GRIA1: variants seen among roughly 807,000 people sequenced by gnomAD.
The protein encoded by GRIA1 is glutamate ionotropic receptor AMPA type subunit 1, also known as glutamate receptor 1.
GRIA1 carries 31 observed loss-of-function variants against 99.2 expected under a neutral mutation model. The observed-to-expected ratio is 0.31, with a 90% CI of 0.23 to 0.42. GRIA1 has a LOEUF of 0.42. Among genes scored for constraint, GRIA1 ranks in the 10% least tolerant of loss-of-function variants. The pLI is 1.00. For missense variants in GRIA1, 782 were observed against 1,157.5 expected, an observed-to-expected ratio of 0.68 and a Z score of 4.71; for synonymous variants, 438 against 432.4, an observed-to-expected ratio of 1.01 and a Z score of -0.16.
intron 11 of GRIA1, among the ~76,000 whole-genome samples, chr5:153,758,801 T>C (rs748078903): frequency 2.0e-5 from 3 of 151,914 alleles, no homozygotes; most frequent in Non-Finnish European, 4.4e-5. Context: ...CTACAGCATA[T>C]ATCACATAGA....
intron 14 of GRIA1, among the ~76,000 whole-genome samples, chr5:153,798,403 TAA>T (rs1765781679): frequency 6.6e-6 from 1 of 152,214 alleles, no homozygotes; most frequent in African/African-American, 2.4e-5. Context: ...CCTAAAAGGC[TAA>T]GTCAGATTAC....
At chr5:153,646,853 T>C in intron 2 of GRIA1, 75 bp from the exon 3 acceptor site, 4 of 1,507,892 alleles carry the variant, frequency 2.7e-6, no homozygotes, top group South Asian at 2.5e-5. Context: ...GATGAACTAG[T>C]GGATGGATTC....
At chr5:153,740,822 C>T (rs921617079) in intron 11 of GRIA1, among the ~76,000 whole-genome samples, 1 of 152,118 alleles carries the variant, frequency 6.6e-6, no homozygotes, top group African/African-American at 2.4e-5. Flanking sequence ...GGGGATGTTC[C>T]AGATGGCAGT....
At chr5:153,550,561 C>T (rs1249867989) in intron 2 of GRIA1, among the ~76,000 whole-genome samples, 2 of 151,968 alleles carry the variant, frequency 1.3e-5, no homozygotes, top group African/African-American at 4.8e-5. Flanking sequence ...AGGAAAAAAC[C>T]ATATTTGCAA....
At chr5:153,701,368 A>G (rs1171979143) in intron 10 of GRIA1, among the ~76,000 whole-genome samples, 1 of 152,016 alleles carries the variant, frequency 6.6e-6, no homozygotes, top group Non-Finnish European at 1.5e-5. Context: ...TAATCCCAGC[A>G]CTTTGGGAGG....
intron 2 of GRIA1, among the ~76,000 whole-genome samples, chr5:153,500,034 C>T (rs2113231739): frequency 6.6e-6 from 1 of 152,360 alleles, no homozygotes; most frequent in East Asian, 1.9e-4. Context: ...CCTCAATCTT[C>T]ACCCGTGCCC....
At chr5:153,694,730 T>G (rs1757978155) in intron 8 of GRIA1, among the ~76,000 whole-genome samples, 1 of 152,214 alleles carries the variant, frequency 6.6e-6, no homozygotes, top group Non-Finnish European at 1.5e-5. Flanking sequence ...ACCAAGATCT[T>G]GACCACTGGG....
intron 15 of GRIA1, among the ~76,000 whole-genome samples, chr5:153,809,517 C>T (rs1252435300): frequency 6.6e-6 from 1 of 152,134 alleles, no homozygotes; most frequent in Non-Finnish European, 1.5e-5. Context: ...TCAAAACTGC[C>T]CTGTTTATCT....
intron 8 of GRIA1, among the ~76,000 whole-genome samples, chr5:153,696,885 T>TGTGTGTG: frequency 2.0e-5 from 3 of 151,672 alleles, no homozygotes; most frequent in Admixed American, 6.6e-5. Context: ...TGTGTGTGTA[T>TGTGTGTG]TAGTCAAGTC....
At chr5:153,503,066 C>T (rs750524415) in intron 2 of GRIA1, among the ~76,000 whole-genome samples, 10 of 152,190 alleles carry the variant, frequency 6.6e-5, no homozygotes, top group Non-Finnish European at 1.3e-4. Context: ...TAAAAGCCCA[C>T]TGTACATATG....
intron 7 of GRIA1, 127 bp downstream of exon 7, chr5:153,677,288 A>G (rs1348659905): frequency 5.8e-6 from 4 of 690,564 alleles, no homozygotes; most frequent in Non-Finnish European, 8.2e-6. Context: ...CAACCACTGC[A>G]TTGTTGGTGT....
At chr5:153,686,517 G>A (rs1239528068) in intron 8 of GRIA1, among the ~76,000 whole-genome samples, 188 bp downstream of exon 8, 3 of 152,174 alleles carry the variant, frequency 2.0e-5, no homozygotes, top group African/African-American at 4.8e-5. Context: ...CTTCCTCTGA[G>A]AATCCATTCA....
chr5:153,537,687 C>A (rs1758710949), intron 2 of GRIA1, among the ~76,000 whole-genome samples: 2 of 152,170 alleles, frequency 1.3e-5, no homozygotes, highest in South Asian at 4.1e-4. Flanking sequence ...CCAGTGGCTT[C>A]AAGATAGATA....
chr5:153,694,148 A>C (rs181221407), intron 8 of GRIA1, among the ~76,000 whole-genome samples: 139 of 152,354 alleles, frequency 9.1e-4, no homozygotes, highest in African/African-American at 3.1e-3. Context: ...TAGAGATCCC[A>C]ATTTAACAAT....
At chr5:153,615,312 T>C (rs75053155) in intron 2 of GRIA1, among the ~76,000 whole-genome samples, 1 of 152,146 alleles carries the variant, frequency 6.6e-6, no homozygotes, top group Non-Finnish European at 1.5e-5. Context: ...GGAGAGCTCA[T>C]AATCCAGGTA....
chr5:153,613,117 C>CG lies in GRIA1; in HGVS notation c.221-33811_221-33810insG, dbSNP rs1420703033. ...GACTAAAGCTCCTTTTTCTTTTCCT[C>CG]CCCCCAATAAAAATTTCTGTTCCAG... On this transcript the variant is annotated intron_variant, in intron 2 of 15. Transcript: ENST00000285900. 2.0e-5 allele frequency among the ~76,000 whole-genome samples: 3 copies of CG among 151,998 alleles called. No homozygotes were observed. The East Asian group carries it at 5.8e-4, about 29-fold the overall frequency.
intron 11 of GRIA1, among the ~76,000 whole-genome samples, chr5:153,733,355 T>C (rs1024705356): frequency 3.9e-5 from 6 of 151,956 alleles, no homozygotes; most frequent in African/African-American, 1.5e-4. Context: ...GTTTTATGTA[T>C]GCAAAAACCT....
rs138702220 is a variant in GRIA1, at chr5:153,523,809, T to C, written c.220+29744T>C. On this transcript the variant is annotated intron_variant, in intron 2 of 15. Transcript: ENST00000285900. The stretch of plus-strand genomic sequence containing the variant: ...ATCAAGAACAGTACCTGGCAAATAA[T>C]AGTCAGCTCAATGACTATTTGTTGA... Among the ~76,000 whole-genome samples the C allele has an allele frequency of 8.5e-5, 13 of 152,068 alleles. No homozygotes were observed. In the East Asian group the frequency reaches 2.5e-3, roughly 29 times the overall value.
At chr5:153,685,612 T>C (rs985658180) in intron 7 of GRIA1, among the ~76,000 whole-genome samples, 1 of 152,224 alleles carries the variant, frequency 6.6e-6, no homozygotes, top group Non-Finnish European at 1.5e-5. Context: ...TTTTGGAAAC[T>C]GAAGGCTTAG....
Sources: gnomAD v4.1 joint callset for allele counts (sites outside exome capture counted in the v4.1 genomes callset) on GRCh38, gnomAD v4.1.1 for gene constraint, MANE v1.5 for transcripts, NCBI Gene and HGNC (gene_info 2026-07-23, HGNC 2026-07-21) for gene names.